The following WHAMM variants were observed in gnomAD, a reference collection of about 807,000 sequenced individuals.
WHAMM encodes WASP homolog-associated protein with actin, membranes and microtubules.
Under a neutral mutation model 76.5 loss-of-function variants are expected in WHAMM, and 67 were observed. That is an observed-to-expected ratio of 0.88 (90% CI 0.72 to 1.07). WHAMM has a LOEUF of 1.07. WHAMM is among the 50% of genes least tolerant of loss of function. The pLI is 0.00. For missense variants in WHAMM, 1,021 were observed against 1,051.1 expected (o/e 0.97, Z 0.40); for synonymous variants, 419 against 422.1 (o/e 0.99, Z 0.09).
intron 2 of WHAMM, among the ~76,000 whole-genome samples, chr15:82,815,152 T>TAA: frequency 2.3e-5 from 1 of 43,200 alleles, no homozygotes; most frequent in African/African-American, 1.3e-4. Flanking sequence ...TATATATATA[T>TAA]ATAGTACAAT....
rs770189951 is a variant in WHAMM at position 82,826,503 on chromosome 15, C to G, written c.1545+7C>G. The G allele has an allele frequency of 7.8e-5, 125 of 1,611,746 alleles. No individual in the cohort carries two copies. Among genetic ancestry groups the G allele is most frequent in the Admixed American group, 1.8e-4 (11 of 59,990 alleles). On this transcript the variant is annotated splice_region_variant and intron_variant, in intron 7 of 9. Transcript: ENST00000286760. ...GCATCACAGTATTCAGATGGTGAGT[C>G]TCCTCCGAAGGAAAATGTTCTATGT...
chr15:82,819,890 C>T (rs1367484936), intron 5 of WHAMM, among the ~76,000 whole-genome samples: 1 of 152,122 alleles, frequency 6.6e-6, no homozygotes, highest in Non-Finnish European at 1.5e-5. Flanking sequence ...AGTGTGGTGG[C>T]ACGTGCCTGT....
intron 4 of WHAMM, among the ~76,000 whole-genome samples, chr15:82,818,409 C>T (rs1254189258): frequency 6.6e-6 from 1 of 152,198 alleles, no homozygotes; most frequent in Non-Finnish European, 1.5e-5. Flanking sequence ...ACTTTTCTTT[C>T]CAGGCATCGT....
rs1206840844 is a variant in WHAMM, at chr15:82,835,812, G to C, written c.*2276G>C. On this transcript the variant is annotated 3_prime_UTR_variant, in exon 10 of 10. Transcript: ENST00000286760. ...AGACAGGTCCAGTGGCTGTGGCCCA[G>C]GCCTCCTTCCCCACCACAGACAGGC... The C allele has an allele frequency of 1.3e-5, 2 of 152,272 alleles. No individual in the cohort carries two copies. The highest frequency in any genetic ancestry group is 2.9e-5 in the Non-Finnish European group (2 of 68,056). 9.4% of individuals were successfully genotyped at this position (152,272 alleles called of 1,614,324 possible).
chr15:82,810,404 C>T (rs920585462), intron 1 of WHAMM, 69 bp downstream of exon 1: 21 of 1,232,290 alleles, frequency 1.7e-5, no homozygotes, highest in South Asian at 3.3e-5. Flanking sequence ...GAGGCTCCCC[C>T]GGCGCCGAGA....
intron 5 of WHAMM, among the ~76,000 whole-genome samples, chr15:82,820,022 G>C (rs1211000280): frequency 6.8e-6 from 1 of 146,098 alleles, no homozygotes; most frequent in Non-Finnish European, 1.5e-5. Flanking sequence ...ACTCCATCTT[G>C]AAAAGGAAAA....
Position 82,826,404 on chromosome 15 carries a change from C to T in WHAMM, c.1459-6C>T, listed in dbSNP as rs753850868. The T allele has an allele frequency of 1.4e-5, 23 of 1,613,654 alleles. No homozygotes were observed. In the East Asian group the frequency reaches 4.9e-4, roughly 34 times the overall value. ...ACCATGTAGGTGATTTGTATTATTC[C>T]ACCAGGATCAGTGCAAAGAAAATCA... is the stretch of plus-strand genomic sequence containing the variant. On this transcript the variant is annotated splice_region_variant and splice_polypyrimidine_tract_variant and intron_variant, in intron 6 of 9. Transcript: ENST00000286760.
Position 82,826,771 on chromosome 15 carries a change from AGAG to A in WHAMM, c.1570_1572del (p.Glu524del), listed in dbSNP as rs1324889212. On this transcript the variant is annotated inframe_deletion, in exon 8 of 10. Coordinates refer to ENST00000286760, the MANE Select transcript of WHAMM (RefSeq NM_001080435.3). ...TATAGAAAAGAGACAAGATAAAAGAAGAGGAGCAAAAGAAAAAAGAATGGATCA... is the reference window on the plus strand; with the variant it reads ...TATAGAAAAGAGACAAGATAAAAGAAGAGCAAAAGAAAAAAGAATGGATCA... The A allele has an allele frequency of 1.3e-6, 2 of 1,548,142 alleles. No homozygotes were observed. Among genetic ancestry groups the A allele is most frequent in the African/African-American group, 2.8e-5 (2 of 72,682 alleles).
chr15:82,833,767 G>A lies in WHAMM; in HGVS notation c.*231G>A, dbSNP rs529369015. On this transcript the variant is annotated 3_prime_UTR_variant, in exon 10 of 10. Transcript: ENST00000286760. ...TGCAGTGGCGCCATCTCGGCTCACC[G>A]CAAGCTCCGCTTCCCAGGCTGGGGT... 1.5e-4 allele frequency: 74 copies of A among 505,216 alleles called. No individual in the cohort carries two copies. The highest frequency in any genetic ancestry group is 1.1e-3 in the African/African-American group (58 of 51,874). The allele number at this position is 505,216 out of a possible 1,614,324, so 31.3% of individuals were successfully genotyped here. A position where few individuals can be genotyped will look rare whatever the true frequency, so the allele number is the denominator to read the frequency against.
intron 2 of WHAMM, among the ~76,000 whole-genome samples, chr15:82,813,776 C>A (rs1324483332): frequency 6.8e-6 from 1 of 147,714 alleles, no homozygotes; most frequent in African/African-American, 2.5e-5. Context: ...TCTGTCTCAG[C>A]ATCCTGAGTA....
At position 82,830,938 on chromosome 15, in the gene WHAMM, GCT is replaced by G. The variant is rs1182547882; in HGVS notation, c.1984_1985del (p.Leu662ValfsTer21). The G allele has an allele frequency of 6.3e-7, 1 of 1,586,040 alleles. No individual in the cohort carries two copies. Among genetic ancestry groups the G allele is most frequent in the Non-Finnish European group, 8.5e-7 (1 of 1,174,650 alleles). On this transcript the variant is annotated frameshift_variant, in exon 9 of 10. Coordinates refer to ENST00000286760, the MANE Select transcript of WHAMM (RefSeq NM_001080435.3). LOFTEE classifies it high-confidence loss of function. ...PPPPPPPPLR[A>X]LSSSSQAATH... ...GCCGCCCCCACCCCCTCCTCTCCGT[GCT>G]CTGTCCTCATCCTCTCAAGCTGCAA...
chr15:82,810,832 CGGCAGAA>C (rs2050616100), intron 1 of WHAMM: 1 of 875,752 alleles, frequency 1.1e-6, no homozygotes, highest in African/African-American at 1.8e-5. Context: ...AATGGAAAGC[CGGCAGAA>C]GGTGAACTTT....
At position 82,823,246 on chromosome 15, in the gene WHAMM, G is replaced by T; in HGVS notation, c.1417G>T (p.Gly473Cys). Reference sequence around the variant, plus strand: ...GTGCCAGCAGCTGGAGTCTAAACGGGGCAGGATCTGTGCCAAAAGAGCCTC... The same window carrying T: ...GTGCCAGCAGCTGGAGTCTAAACGGTGCAGGATCTGTGCCAAAAGAGCCTC... ...RQCQQLESKR[G>C]RICAKRASLR... Residue 473 changes from glycine (G) to cysteine (C), a missense_variant, in exon 6 of 10, where the codon GGC (glycine) becomes TGC (cysteine). Transcript: ENST00000286760. 6.4e-7 allele frequency: 1 copy of T among 1,566,042 alleles called. No individual in the cohort carries two copies. Among genetic ancestry groups the T allele is most frequent in the Non-Finnish European group, 8.7e-7 (1 of 1,153,228 alleles).
At position 82,810,076 on chromosome 15, in the gene WHAMM, G is replaced by A. The variant is rs2050599702; in HGVS notation, c.350G>A (p.Gly117Asp). ...RLPPELDVGG[G>D]GAWGLGLGLW... ...CCGCCGGAGCTGGACGTGGGCGGCG[G>A]CGGGGCCTGGGGTCTGGGGCTCGGG... The change falls in exon 1 of 10, where the codon GGC (glycine) becomes GAC (aspartate). Residue 117 changes from glycine to aspartate, a missense_variant. Coordinates refer to ENST00000286760, the MANE Select transcript of WHAMM (RefSeq NM_001080435.3). The A allele has an allele frequency of 2.5e-6, 3 of 1,209,666 alleles. No individual in the cohort carries two copies. The highest frequency in any genetic ancestry group is 3.7e-5 in the East Asian group (1 of 27,040). 74.9% of individuals were successfully genotyped at this position (1,209,666 alleles called of 1,614,324 possible).
At chr15:82,832,917 G>C (rs1463102613) in intron 9 of WHAMM, among the ~76,000 whole-genome samples, 1 of 152,180 alleles carries the variant, frequency 6.6e-6, no homozygotes, top group Admixed American at 6.5e-5. Context: ...TTCAGGATGG[G>C]AGGGACAGAT....
rs749723139 is a variant in WHAMM at position 82,813,280 on chromosome 15, T to C, written c.783+4T>C. The stretch of plus-strand genomic sequence containing the variant: ...TTTATGTAAGCTTGATATTTTGGTA[T>C]GTTTTTTTAAAATTTTTACTTTATC... On this transcript the variant is annotated splice_donor_region_variant and intron_variant, in intron 2 of 9. Transcript: ENST00000286760. 2.8e-5 allele frequency: 42 copies of C among 1,526,692 alleles called. No homozygotes were observed. The highest frequency in any genetic ancestry group is 3.6e-5 in the Non-Finnish European group (41 of 1,139,482). The allele number at this position is 1,526,692 out of a possible 1,614,324, so 94.6% of individuals were successfully genotyped here.
intron 6 of WHAMM, among the ~76,000 whole-genome samples, chr15:82,823,527 ATTT>A (rs1371887088): frequency 6.6e-6 from 1 of 152,120 alleles, no homozygotes; most frequent in Non-Finnish European, 1.5e-5. Context: ...TTCAACAACT[ATTT>A]GTTGAATGCC....
intron 2 of WHAMM, among the ~76,000 whole-genome samples, chr15:82,813,893 C>T (rs1225471243): frequency 6.6e-6 from 1 of 151,924 alleles, no homozygotes; most frequent in Non-Finnish European, 1.5e-5. Context: ...CTCCTGACCT[C>T]AAGCGAGCTA....
Position 82,830,898 on chromosome 15 carries a change from ACCACCGCCG to A in WHAMM, c.1953_1961del (p.Pro656_Pro658del), listed in dbSNP as rs755564038. 85 of 1,444,196 alleles carry A rather than the reference ACCACCGCCG, an allele frequency of 5.9e-5. No homozygotes were observed. In the African/African-American group the frequency reaches 6.7e-4, roughly 11 times the overall value. The allele number at this position is 1,444,196 out of a possible 1,614,324, so 89.5% of individuals were successfully genotyped here. A position where few individuals can be genotyped will look rare whatever the true frequency, so the allele number is the denominator to read the frequency against. On this transcript the variant is annotated inframe_deletion, in exon 9 of 10. Coordinates refer to ENST00000286760, the MANE Select transcript of WHAMM (RefSeq NM_001080435.3). Reference sequence around the variant, plus strand: ...CACCACCTCCTCCTCCTCCACCACCACCACCGCCGCCACCGCCGCCCCCACCCCCTCCTC... The same window carrying A: ...CACCACCTCCTCCTCCTCCACCACCACCACCGCCGCCCCCACCCCCTCCTC...
Sources: gnomAD v4.1 joint callset for allele counts (sites outside exome capture counted in the v4.1 genomes callset) on GRCh38, gnomAD v4.1.1 for gene constraint, MANE v1.5 for transcripts, NCBI Gene and HGNC (gene_info 2026-07-23, HGNC 2026-07-21) for gene names.